Variants in EYS observed in about 807,000 individuals in gnomAD.
EYS encodes protein eyes shut homolog.
A neutral mutation model predicts 282.1 loss-of-function variants in EYS; 250 were observed. That is an observed-to-expected ratio of 0.89 (90% CI 0.80 to 0.98). The LOEUF is 0.98. EYS is among the 50% of genes least tolerant of loss of function. The probability of loss-of-function intolerance (pLI) is 0.00; values close to 1 mark genes in which losing one functional copy is unlikely to be tolerated. For missense variants in EYS, 4,016 were observed against 3,709.0 expected (o/e 1.08, Z -2.15); for synonymous variants, 1,355 against 1,282.9 (o/e 1.06, Z -1.20).
intron 8 of EYS, among the ~76,000 whole-genome samples, chr6:65,375,625 C>A (rs1765335526): frequency 6.6e-6 from 1 of 152,032 alleles, no homozygotes; most frequent in Middle Eastern, 3.4e-3. Flanking sequence ...AAGCTAAGAA[C>A]CTTGACAAAA....
intron 22 of EYS, among the ~76,000 whole-genome samples, chr6:64,722,617 A>C (rs2149944458): frequency 6.6e-6 from 1 of 152,262 alleles, no homozygotes; most frequent in East Asian, 1.9e-4. Flanking sequence ...TTACATAAAT[A>C]TACAACATCC....
chr6:64,737,158 C>G (rs1291358955), intron 22 of EYS, among the ~76,000 whole-genome samples: 1 of 152,110 alleles, frequency 6.6e-6, no homozygotes, highest in Non-Finnish European at 1.5e-5. Context: ...TGATAGAAAT[C>G]TTATAATAAT....
intron 22 of EYS, among the ~76,000 whole-genome samples, chr6:64,762,547 A>G (rs1182286742): frequency 6.6e-6 from 1 of 152,208 alleles, no homozygotes; most frequent in Non-Finnish European, 1.5e-5. Context: ...AAATTCTACA[A>G]AAAATTCATC....
chr6:63,869,110 ATGTC>A lies in EYS; in HGVS notation c.7056-4756_7056-4753del, dbSNP rs1772737767. Among the ~76,000 whole-genome samples, 3 of 152,178 alleles carry A rather than the reference ATGTC, an allele frequency of 2.0e-5. No homozygotes were observed. In the South Asian group the frequency reaches 6.2e-4, roughly 31 times the overall value. On this transcript the variant is annotated intron_variant, in intron 35 of 42. Coordinates refer to ENST00000503581, the MANE Select transcript of EYS (RefSeq NM_001142800.2). ...CCCATGAACAGAGAGCTCAGGGAAA[ATGTC>A]CTCTGCTATAGAAACTTTTTTCTTT...
At chr6:64,999,414 G>C (rs569465867) in intron 13 of EYS, among the ~76,000 whole-genome samples, 13 of 152,162 alleles carry the variant, frequency 8.5e-5, no homozygotes, top group Non-Finnish European at 1.5e-4. Context: ...CTGTGATATG[G>C]AAGTGCTGGA....
intron 15 of EYS, among the ~76,000 whole-genome samples, chr6:64,915,115 T>A (rs555607290): frequency 3.4e-4 from 52 of 152,248 alleles, no homozygotes; most frequent in Middle Eastern, 3.4e-3. Flanking sequence ...GTGCTTTTTT[T>A]AAAAATCTTT....
intron 18 of EYS, among the ~76,000 whole-genome samples, chr6:64,901,751 T>C (rs912518517): frequency 6.6e-6 from 1 of 152,070 alleles, no homozygotes; most frequent in African/African-American, 2.4e-5. Flanking sequence ...TTAAATATTG[T>C]ATAAAAGTTA....
At position 64,196,713 on chromosome 6, in the gene EYS, G is replaced by T. The variant is rs1212525853; in HGVS notation, c.6424+33879C>A. Among the ~76,000 whole-genome samples, 3 of 148,008 alleles carry T rather than the reference G, an allele frequency of 2.0e-5. No individual in the cohort carries two copies. In the East Asian group the frequency reaches 6.1e-4, roughly 30 times the overall value. ...GAACAATGAGAACACATGGACACAGGAAGGGGAACATCACACTCTGGGGAC... is the reference window on the plus strand; with the variant it reads ...GAACAATGAGAACACATGGACACAGTAAGGGGAACATCACACTCTGGGGAC... On this transcript the variant is annotated intron_variant, in intron 31 of 42. Transcript: ENST00000503581.
intron 24 of EYS, among the ~76,000 whole-genome samples, chr6:64,606,293 A>G (rs1442420510): frequency 1.3e-5 from 2 of 152,028 alleles, no homozygotes; most frequent in East Asian, 3.9e-4. Flanking sequence ...TCTCCCTAGA[A>G]CAATGTCTCC....
At chr6:64,589,580 A>G (rs1179246807) in intron 26 of EYS, among the ~76,000 whole-genome samples, 4 of 152,088 alleles carry the variant, frequency 2.6e-5, no homozygotes, top group African/African-American at 4.8e-5. Context: ...TACGCTTTAA[A>G]GTAAGAACTG....
At chr6:65,703,410 T>C (rs1005966161) in intron 1 of EYS, among the ~76,000 whole-genome samples, 14 of 152,098 alleles carry the variant, frequency 9.2e-5, no homozygotes, top group Admixed American at 7.9e-4. Flanking sequence ...GTTGCTAATT[T>C]CCAGACTTAT....
At chr6:65,640,059 A>T (rs1455683342) in intron 1 of EYS, among the ~76,000 whole-genome samples, 167 bp from the exon 2 acceptor site, 2 of 152,192 alleles carry the variant, frequency 1.3e-5, no homozygotes, top group Non-Finnish European at 2.9e-5. Context: ...TACTGAGAGA[A>T]ATAAGATGGT....
chr6:65,521,644 T>C (rs370918735), intron 2 of EYS, among the ~76,000 whole-genome samples: 4 of 152,308 alleles, frequency 2.6e-5, no homozygotes, highest in South Asian at 2.1e-4. Flanking sequence ...AGGTTTCTTA[T>C]GGAATTAGGT....
At chr6:64,153,773 T>C (rs1774821211) in intron 31 of EYS, among the ~76,000 whole-genome samples, 1 of 152,220 alleles carries the variant, frequency 6.6e-6, no homozygotes. Flanking sequence ...TACCCTTTGA[T>C]ACAGCAATTT....
chr6:64,970,983 A>C (rs1056853909), intron 14 of EYS, among the ~76,000 whole-genome samples: 1 of 152,168 alleles, frequency 6.6e-6, no homozygotes, highest in East Asian at 1.9e-4. Flanking sequence ...TTTAAAATGC[A>C]GCTTTTATGG....
At chr6:65,231,111 G>GTATTTATATATATATACTTTTATATA (rs1192480058) in intron 12 of EYS, among the ~76,000 whole-genome samples, 19,186 of 99,662 alleles carry the variant, frequency 0.19, 1,898 homozygotes, top group South Asian at 0.3. Context: ...TTATATATAT[G>GTATTTATATATATATACTTTTATATA]TATTTATATA....
chr6:63,856,451 T>A (rs895238851), intron 36 of EYS, among the ~76,000 whole-genome samples: 15 of 152,160 alleles, frequency 9.9e-5, no homozygotes, highest in African/African-American at 3.4e-4. Context: ...CATTTGGCCT[T>A]GAGAGTTTAG....
intron 26 of EYS, among the ~76,000 whole-genome samples, chr6:64,481,456 A>T (rs192794657): frequency 6.6e-6 from 1 of 150,454 alleles, no homozygotes; most frequent in Non-Finnish European, 1.5e-5. Flanking sequence ...CTATTAATTG[A>T]AGAAAGGTGA....
intron 12 of EYS, among the ~76,000 whole-genome samples, chr6:65,195,518 C>T (rs527645872): frequency 5.4e-4 from 82 of 152,112 alleles, no homozygotes; most frequent in Middle Eastern, 3.4e-3. Context: ...AAAAAGAACT[C>T]ACAGTGATGT....
Sources: allele counts gnomAD v4.1 joint callset (sites outside exome capture counted in the v4.1 genomes callset), GRCh38; gene constraint gnomAD v4.1.1; transcripts MANE v1.5; gene names NCBI Gene and HGNC (gene_info 2026-07-23, HGNC 2026-07-21).